The following ATP1B3 variants were observed in gnomAD, a reference collection of about 807,000 sequenced individuals.
ATP1B3 encodes the protein ATPase Na+/K+ transporting subunit beta 3.
In ATP1B3, 10 loss-of-function variants were observed where a neutral mutation model predicts 30.2. The ratio of observed to expected loss-of-function variants is 0.33; its 90% confidence interval spans 0.20 to 0.56. ATP1B3 has a LOEUF of 0.56. ATP1B3 is among the 20% of genes least tolerant of loss of function. The pLI is 0.90. For missense variants in ATP1B3, 238 were observed against 336.7 expected (o/e 0.71, Z 2.29); for synonymous variants, 113 against 117.0 (o/e 0.97, Z 0.22).
intron 2 of ATP1B3, among the ~76,000 whole-genome samples, chr3:141,904,480 AT>A (rs1348785701): frequency 3.9e-5 from 6 of 152,058 alleles, no homozygotes; most frequent in African/African-American, 1.4e-4. Flanking sequence ...CTTTGGACTT[AT>A]AAAATACATA....
At chr3:141,911,012 A>G (rs1321809954) in intron 3 of ATP1B3, among the ~76,000 whole-genome samples, 3 of 148,224 alleles carry the variant, frequency 2.0e-5, no homozygotes, top group Admixed American at 1.3e-4. Flanking sequence ...TTTTTTTTCA[A>G]TTTTCTTTAT....
chr3:141,885,923 A>ACACC (rs1553743564), intron 1 of ATP1B3, among the ~76,000 whole-genome samples: 20 of 141,092 alleles, frequency 1.4e-4, no homozygotes, highest in Admixed American at 2.8e-4. Context: ...ACACACACAC[A>ACACC]CCCCTGTAGT....
chr3:141,877,001 TC>T, intron 1 of ATP1B3, 91 bp downstream of exon 1: 2 of 1,035,022 alleles, frequency 1.9e-6, no homozygotes, highest in Non-Finnish European at 2.6e-6. Context: ...GGGAGGCGGC[TC>T]CCAGCGCCGG....
At chr3:141,887,930 C>T (rs1001115282) in intron 1 of ATP1B3, among the ~76,000 whole-genome samples, 20 of 152,216 alleles carry the variant, frequency 1.3e-4, no homozygotes, top group African/African-American at 4.3e-4. Flanking sequence ...TAGGAAGGGA[C>T]GTGACGGAAC....
chr3:141,896,746 A>T (rs1049413399), intron 1 of ATP1B3, among the ~76,000 whole-genome samples: 7 of 152,098 alleles, frequency 4.6e-5, no homozygotes, highest in African/African-American at 1.7e-4. Context: ...TCTAATTTTT[A>T]AAAATTATCC....
At chr3:141,892,034 T>C (rs1226374318) in intron 1 of ATP1B3, among the ~76,000 whole-genome samples, 3 of 152,150 alleles carry the variant, frequency 2.0e-5, no homozygotes, top group Non-Finnish European at 4.4e-5. Context: ...TAGGTAACTG[T>C]TGTGTTTTAA....
chr3:141,909,041 C>G (rs1342180186), intron 3 of ATP1B3, among the ~76,000 whole-genome samples: 1 of 152,116 alleles, frequency 6.6e-6, no homozygotes, highest in African/African-American at 2.4e-5. Flanking sequence ...TTTAGCCTTT[C>G]TGTCTGTATT....
intron 6 of ATP1B3, among the ~76,000 whole-genome samples, chr3:141,923,336 C>G (rs1934600406): frequency 6.6e-6 from 1 of 151,772 alleles, no homozygotes; most frequent in African/African-American, 2.4e-5. Flanking sequence ...GGACTAGCGG[C>G]TTTATAAGAA....
In ATP1B3 at chr3:141,906,414, A is replaced by G. The variant is rs1344427339; in HGVS notation, c.239-753A>G. 2.0e-5 allele frequency among the ~76,000 whole-genome samples: 3 copies of G among 152,168 alleles called. No individual in the cohort carries two copies. The East Asian group carries it at 5.8e-4, about 29-fold the overall frequency. Reference sequence around the variant, plus strand: ...AGGCTGGTCTCGACCTCCTGACCTCAAGTGATCCGCCAGCCTCGGCCTCCC... The same window carrying G: ...AGGCTGGTCTCGACCTCCTGACCTCGAGTGATCCGCCAGCCTCGGCCTCCC... On this transcript the variant is annotated intron_variant, in intron 2 of 6. Transcript: ENST00000286371.
At chr3:141,900,504 T>G (rs765232765) in intron 1 of ATP1B3, among the ~76,000 whole-genome samples, 1 of 152,172 alleles carries the variant, frequency 6.6e-6, no homozygotes, top group Non-Finnish European at 1.5e-5. Context: ...GCACTTACTT[T>G]CCTGAGCTCT....
intron 1 of ATP1B3, among the ~76,000 whole-genome samples, chr3:141,877,728 G>A (rs1452440339): frequency 1.3e-5 from 2 of 150,696 alleles, no homozygotes; most frequent in Admixed American, 6.6e-5. Context: ...TTTTCTATGC[G>A]TGAGCTCTTT....
intron 6 of ATP1B3, among the ~76,000 whole-genome samples, chr3:141,924,767 C>T (rs1361947295): frequency 6.6e-6 from 1 of 151,886 alleles, no homozygotes; most frequent in Non-Finnish European, 1.5e-5. Flanking sequence ...CTATCCTGGC[C>T]AACATGGTGA....
chr3:141,883,442 C>T (rs1028200436), intron 1 of ATP1B3, among the ~76,000 whole-genome samples: 1 of 152,092 alleles, frequency 6.6e-6, no homozygotes. Context: ...CACCTGAGTC[C>T]AGGAGGTCGA....
chr3:141,885,835 CT>C (rs1933818575), intron 1 of ATP1B3, among the ~76,000 whole-genome samples: 2 of 151,108 alleles, frequency 1.3e-5, no homozygotes, highest in Non-Finnish European at 2.9e-5. Flanking sequence ...GTTGTTCCAG[CT>C]TCAAATAGAC....
intron 1 of ATP1B3, among the ~76,000 whole-genome samples, chr3:141,896,274 G>A (rs998171099): frequency 7.9e-5 from 12 of 151,668 alleles, no homozygotes; most frequent in Non-Finnish European, 1.6e-4. Flanking sequence ...TTCAAGAACA[G>A]CCTGGCCAAT....
At chr3:141,889,584 T>C (rs1010581592) in intron 1 of ATP1B3, among the ~76,000 whole-genome samples, 2 of 151,486 alleles carry the variant, frequency 1.3e-5, no homozygotes, top group Non-Finnish European at 2.9e-5. Context: ...CAAAATTAGC[T>C]GGGCGTGGTG....
chr3:141,915,293 C>A (rs1379186537), intron 4 of ATP1B3, among the ~76,000 whole-genome samples: 6 of 152,170 alleles, frequency 3.9e-5, no homozygotes, highest in South Asian at 2.1e-4. Context: ...AGGTTTCATA[C>A]CAGTATAGTT....
In ATP1B3 at chr3:141,902,124, T is replaced by C. The variant is rs769876119; in HGVS notation, c.110-1496T>C. ...ACTTCTTTGAGATTGGTCTTTTCTT[T>C]TTCTGCAACAGGATCGCAGTATGTG... On this transcript the variant is annotated intron_variant, in intron 1 of 6. Coordinates refer to ENST00000286371, the MANE Select transcript of ATP1B3 (RefSeq NM_001679.4). 9 of 1,289,400 alleles carry C rather than the reference T, an allele frequency of 7.0e-6. No homozygotes were observed. The South Asian group carries it at 8.6e-5, about 12-fold the overall frequency. The allele number at this position is 1,289,400 out of a possible 1,614,324, so 79.9% of individuals were successfully genotyped here.
intron 1 of ATP1B3, among the ~76,000 whole-genome samples, chr3:141,881,238 G>T (rs1933720485): frequency 6.6e-6 from 1 of 151,356 alleles, no homozygotes; most frequent in Admixed American, 6.6e-5. Flanking sequence ...AACCAACTAT[G>T]CCATGATGTG....
Sources: gnomAD v4.1 joint callset for allele counts (sites outside exome capture counted in the v4.1 genomes callset) on GRCh38, gnomAD v4.1.1 for gene constraint, MANE v1.5 for transcripts, NCBI Gene and HGNC (gene_info 2026-07-23, HGNC 2026-07-21) for gene names.